The following RHOC variants were observed in gnomAD, a reference collection of about 807,000 sequenced individuals.
RHOC encodes ras homolog family member C.
RHOC carries 13 observed loss-of-function variants against 19.5 expected under a neutral mutation model. The observed-to-expected ratio is 0.67, with a 90% confidence interval of 0.43 to 1.06. RHOC has a LOEUF of 1.06. Ranked by LOEUF, RHOC falls within the 50% of genes least tolerant of loss-of-function variation. The pLI is 0.00. For missense variants in RHOC, 173 were observed against 256.9 expected (o/e 0.67, Z 2.23); for synonymous variants, 106 against 97.3 (o/e 1.09, Z -0.52).
upstream of RHOC, chr1:112,707,297 C>T (rs1172515881): frequency 1.3e-5 from 2 of 152,014 alleles, no homozygotes; most frequent in African/African-American, 2.4e-5. Flanking sequence ...GGGGCGTCCA[C>T]CCCTCCAGGT....
chr1:112,705,622 T>C (rs1402044101), intron 1 of RHOC: 1 of 458,592 alleles, frequency 2.2e-6, no homozygotes, highest in Admixed American at 2.3e-5. Context: ...GCAGATCGCC[T>C]CCAGAAATGG....
intron 3 of RHOC, 93 bp from the exon 4 acceptor site, chr1:112,703,212 CTTCT>C (rs1674718115): frequency 6.9e-7 from 1 of 1,459,328 alleles, no homozygotes; most frequent in Non-Finnish European, 9.4e-7. Context: ...GCTCACTGAA[CTTCT>C]TTATTTGAGC....
At chr1:112,706,081 AC>A (rs1304509908) in intron 1 of RHOC, 1 of 180,098 alleles carries the variant, frequency 5.6e-6, no homozygotes, top group African/African-American at 2.3e-5. Flanking sequence ...TGTCCCACTG[AC>A]CCCTTAAGAG....
chr1:112,702,793 C>G (rs1674701415), intron 4 of RHOC, 100 bp from the exon 5 acceptor site: 2 of 1,500,084 alleles, frequency 1.3e-6, no homozygotes, highest in South Asian at 2.4e-5. Flanking sequence ...AGAAGCCATT[C>G]AGCATGATGG....
chr1:112,703,591 T>C, intron 3 of RHOC, 53 bp downstream of exon 3: 1 of 1,401,360 alleles, frequency 7.1e-7, no homozygotes, highest in South Asian at 1.2e-5. Flanking sequence ...GGTCATTCAG[T>C]GACTGGGGGG....
At chr1:112,706,506 A>AC (rs1674892518) in intron 1 of RHOC, among the ~76,000 whole-genome samples, 11 of 88,130 alleles carry the variant, frequency 1.2e-4, no homozygotes, top group African/African-American at 4.8e-4. Context: ...ACACACACAC[A>AC]CACACACACA....
rs1557779712 is a variant in RHOC at position 112,705,088 on chromosome 1, AG to A, written c.-8+11del. ...TCCCTCACTTCCTCCTTCCCTGGGG[AG>A]GGGAACTGACCTCCAGCCGGCTGAA... is the stretch of plus-strand genomic sequence containing the variant. On this transcript the variant is annotated intron_variant, in intron 2 of 5. Coordinates refer to ENST00000339083, the MANE Select transcript of RHOC (RefSeq NM_175744.5). The A allele has an allele frequency of 1.4e-6, 1 of 702,324 alleles. No individual in the cohort carries two copies. The allele number at this position is 702,324 out of a possible 1,614,324, so 43.5% of individuals were successfully genotyped here. A position where few individuals can be genotyped will look rare whatever the true frequency, so the allele number is the denominator to read the frequency against.
chr1:112,703,927 A>T, intron 2 of RHOC, 121 bp from the exon 3 acceptor site: 1 of 878,300 alleles, frequency 1.1e-6, no homozygotes, highest in South Asian at 1.8e-5. Context: ...GGGCTTGCTC[A>T]GGCATGTTCT....
At chr1:112,703,234 A>G in intron 3 of RHOC, 115 bp from the exon 4 acceptor site, 3 of 1,118,070 alleles carry the variant, frequency 2.7e-6, no homozygotes, top group South Asian at 2.9e-5. Flanking sequence ...AGCACCTGCT[A>G]TGCACCAGGC....
At chr1:112,703,841 A>C (rs1237811050) in intron 2 of RHOC, 35 bp from the exon 3 acceptor site, 1 of 1,585,098 alleles carries the variant, frequency 6.3e-7, no homozygotes, top group Non-Finnish European at 8.6e-7. Flanking sequence ...TTTGAGGAAA[A>C]GCCATTAAGT....
At chr1:112,703,224 A>G (rs1394294742) in intron 3 of RHOC, 105 bp from the exon 4 acceptor site, 24 of 1,257,188 alleles carry the variant, frequency 1.9e-5, no homozygotes, top group Non-Finnish European at 2.6e-5. Flanking sequence ...TCTTTATTTG[A>G]GCACCTGCTA....
chr1:112,703,747 T>G lies in RHOC; in HGVS notation c.53A>C (p.Lys18Thr). Residue 18 changes from lysine (K) to threonine (T), a missense_variant, in exon 3 of 6, where the codon AAG becomes ACG. By Grantham distance (78) the Lys-to-Thr change is moderately conservative (BLOSUM62 -1). This residue lies in a region of RHOC where 92 missense variants were observed against 171.1 expected (regional missense o/e 0.54). Transcript: ENST00000339083. Reference sequence around the variant, plus strand: ...GCTGAAGACGATGAGGAGGCAGGTCTTCCCACAGGCACCATCCCCAACGAT... The same window carrying G: ...GCTGAAGACGATGAGGAGGCAGGTCGTCCCACAGGCACCATCCCCAACGAT... ...LVIVGDGACG[K>T]TCLLIVFSKD... The G allele has an allele frequency of 6.2e-7, 1 of 1,613,132 alleles. No homozygotes were observed. The highest frequency in any genetic ancestry group is 1.1e-5 in the South Asian group (1 of 90,544).
intron 5 of RHOC, 128 bp downstream of exon 5, chr1:112,702,435 C>G: frequency 9.8e-7 from 1 of 1,016,560 alleles, no homozygotes; most frequent in South Asian, 1.6e-5. Context: ...TGGGTCCTCC[C>G]TCACCAGGAG....
In RHOC at chr1:112,701,277, G is replaced by T; in HGVS notation, c.*263C>A. ...AGCCAGAAGTGTATAAAGTGCTGGT[G>T]TGTGACCATCCTTTGGGGAAGGTCA... On this transcript the variant is annotated 3_prime_UTR_variant, in exon 6 of 6. Coordinates refer to ENST00000339083, the MANE Select transcript of RHOC (RefSeq NM_175744.5). The T allele has an allele frequency of 1.1e-6, 1 of 882,726 alleles. No individual in the cohort carries two copies. Among genetic ancestry groups the T allele is most frequent in the Non-Finnish European group, 1.7e-6 (1 of 586,076 alleles). 54.7% of individuals were successfully genotyped at this position (882,726 alleles called of 1,614,324 possible).
chr1:112,704,008 G>T (rs2306936), intron 2 of RHOC, among the ~76,000 whole-genome samples: 15 of 152,046 alleles, frequency 9.9e-5, no homozygotes, highest in Admixed American at 3.9e-4. Flanking sequence ...GGTCTCCCTC[G>T]ATGGGTTAGA....
intron 1 of RHOC, chr1:112,705,685 G>A (rs765420732): frequency 1.1e-5 from 5 of 456,156 alleles, no homozygotes; most frequent in African/African-American, 2.0e-5. Context: ...GGTGACTGAC[G>A]CTGGGATTTC....
At chr1:112,703,827 G>A (rs1316449053) in intron 2 of RHOC, 21 bp from the exon 3 acceptor site, 1 of 1,597,810 alleles carries the variant, frequency 6.3e-7, no homozygotes, top group South Asian at 1.1e-5. Context: ...AGACGTATTG[G>A]GGATTTGAGG....
Position 112,701,688 on chromosome 1 carries a change from C to T in RHOC, c.434G>A (p.Arg145Gln). ...GGCACTGATCCGGTTCGCCATGTCC[C>T]GGCCTTCCTCAGACCGAACGGGCTC... The part of the protein sequence containing the change: ...KQEPVRSEEG[R>Q]DMANRISAFG... The change falls in exon 6 of 6, where the codon CGG becomes CAG. Residue 145 changes from arginine to glutamine, a missense_variant. Coordinates refer to ENST00000339083, the MANE Select transcript of RHOC (RefSeq NM_175744.5). 1.2e-6 allele frequency: 2 copies of T among 1,613,982 alleles called. No individual in the cohort carries two copies. Among genetic ancestry groups the T allele is most frequent in the Non-Finnish European group, 1.7e-6 (2 of 1,180,006 alleles).
rs764951682 is a variant in RHOC, at chr1:112,701,519, G to C, written c.*21C>G. On this transcript the variant is annotated 3_prime_UTR_variant, in exon 6 of 6. Transcript: ENST00000339083. ...GTACCCCTGTGAAGGGAGGGGGCATGTAGGAAAGGCCTTGGGGATCTCAGA... is the reference window on the plus strand; with the variant it reads ...GTACCCCTGTGAAGGGAGGGGGCATCTAGGAAAGGCCTTGGGGATCTCAGA... 14 of 1,613,980 alleles carry C rather than the reference G, an allele frequency of 8.7e-6. No homozygotes were observed. Among genetic ancestry groups the C allele is most frequent in the South Asian group, 3.3e-5 (3 of 91,088 alleles).
Sources: allele counts gnomAD v4.1 joint callset (sites outside exome capture counted in the v4.1 genomes callset), GRCh38; gene constraint gnomAD v4.1.1; regional missense constraint gnomAD v4.1.1; transcripts MANE v1.5; gene names NCBI Gene and HGNC (gene_info 2026-07-23, HGNC 2026-07-21).